MED13L: variants seen among roughly 807,000 people sequenced by gnomAD.
MED13L encodes mediator complex subunit 13L.
A neutral mutation model predicts 220.9 loss-of-function variants in MED13L; 7 were observed. The observed-to-expected ratio is 0.03, with a 90% CI of 0.02 to 0.06. The LOEUF is 0.06. Ranked by LOEUF, MED13L falls within the 10% of genes least tolerant of loss-of-function variation. The pLI is 1.00. For missense variants in MED13L, 1,965 were observed against 2,760.5 expected, an observed-to-expected ratio of 0.71 and a Z score of 6.46; for synonymous variants, 1,011 against 1,015.2, an observed-to-expected ratio of 1.00 and a Z score of 0.08.
At chr12:116,197,923 A>C (rs1881746575) in intron 2 of MED13L, among the ~76,000 whole-genome samples, 1 of 152,240 alleles carries the variant, frequency 6.6e-6, no homozygotes, top group Non-Finnish European at 1.5e-5. Context: ...TTTTGTAGAA[A>C]GCCAAAAGAA....
At position 116,124,528 on chromosome 12, in the gene MED13L, T is replaced by C. The variant is rs186388573; in HGVS notation, c.311-13016A>G. 2.4e-4 allele frequency among the ~76,000 whole-genome samples: 36 copies of C among 152,328 alleles called. No homozygotes were observed. The East Asian group carries it at 5.8e-3, about 24-fold the overall frequency. Reference sequence around the variant, plus strand: ...TTCTCTTCACTTTGTTATCTACTTTTACTAGATAATAATTTGTTTTCCTTA... The same window carrying C: ...TTCTCTTCACTTTGTTATCTACTTTCACTAGATAATAATTTGTTTTCCTTA... On this transcript the variant is annotated intron_variant, in intron 2 of 30. Coordinates refer to ENST00000281928, the MANE Select transcript of MED13L (RefSeq NM_015335.5).
intron 4 of MED13L, among the ~76,000 whole-genome samples, chr12:116,072,278 T>TA (rs1870437713): frequency 6.6e-6 from 1 of 152,210 alleles, no homozygotes; most frequent in South Asian, 2.1e-4. Context: ...AAAGGTCCTT[T>TA]AAAATGATCT....
At chr12:116,041,156 G>A (rs1285808472) in intron 4 of MED13L, among the ~76,000 whole-genome samples, 1 of 152,146 alleles carries the variant, frequency 6.6e-6, no homozygotes, top group Non-Finnish European at 1.5e-5. Flanking sequence ...TGTGTTGAGG[G>A]AGGGGCCAGG....
At chr12:116,083,404 GAAAAAA>G (rs61301423) in intron 4 of MED13L, among the ~76,000 whole-genome samples, 1 of 79,358 alleles carries the variant, frequency 1.3e-5, no homozygotes, top group Non-Finnish European at 2.4e-5. Flanking sequence ...TGTCTCGAGG[GAAAAAA>G]AAAAAAAAAA....
At chr12:116,224,292 A>T (rs1303591568) in intron 2 of MED13L, among the ~76,000 whole-genome samples, 1 of 152,112 alleles carries the variant, frequency 6.6e-6, no homozygotes, top group African/African-American at 2.4e-5. Context: ...AAACTTCCCT[A>T]CTGTAGATCC....
intron 2 of MED13L, among the ~76,000 whole-genome samples, chr12:116,165,260 T>A: frequency 3.1e-5 from 1 of 31,976 alleles, no homozygotes; most frequent in Non-Finnish European, 5.5e-5. Flanking sequence ...GGCACCATCC[T>A]TTTTTTTTTT....
intron 2 of MED13L, among the ~76,000 whole-genome samples, chr12:116,172,500 T>C (rs745589004): frequency 1.6e-4 from 24 of 152,186 alleles, no homozygotes; most frequent in Non-Finnish European, 2.5e-4. Context: ...CCGTAAATGG[T>C]TACAGAAAAT....
intron 2 of MED13L, among the ~76,000 whole-genome samples, chr12:116,219,652 C>A (rs1883195392): frequency 6.6e-6 from 1 of 152,136 alleles, no homozygotes. Context: ...TTAAAATATA[C>A]AGTATTTCCC....
In MED13L at chr12:115,960,532, G is replaced by A. The variant is rs1358249389; in HGVS notation, c.*734C>T. On this transcript the variant is annotated 3_prime_UTR_variant, in exon 31 of 31. Coordinates refer to ENST00000281928, the MANE Select transcript of MED13L (RefSeq NM_015335.5). Reference sequence around the variant, plus strand: ...CCCAATGTGTTTTTACTCCTTTTCCGGCTTCTAGGACAGAGGTATGTAGTC... The same window carrying A: ...CCCAATGTGTTTTTACTCCTTTTCCAGCTTCTAGGACAGAGGTATGTAGTC... 2.0e-5 allele frequency: 3 copies of A among 152,288 alleles called. No homozygotes were observed. Among genetic ancestry groups the A allele is most frequent in the Non-Finnish European group, 4.4e-5 (3 of 68,182 alleles). 9.4% of individuals were successfully genotyped at this position (152,288 alleles called of 1,614,324 possible).
chr12:116,145,488 C>T (rs561774325), intron 2 of MED13L, among the ~76,000 whole-genome samples: 1 of 152,046 alleles, frequency 6.6e-6, no homozygotes, highest in South Asian at 2.1e-4. Flanking sequence ...GCAGTTGCTT[C>T]AAGCGCTTTT....
chr12:116,178,290 A>G (rs1880231363), intron 2 of MED13L, among the ~76,000 whole-genome samples: 1 of 152,188 alleles, frequency 6.6e-6, no homozygotes, highest in African/African-American at 2.4e-5. Flanking sequence ...TGGTAAAAGT[A>G]TTTTTTATAT....
intron 4 of MED13L, 43 bp from the exon 5 acceptor site, chr12:116,022,644 G>A: frequency 6.3e-7 from 1 of 1,588,196 alleles, no homozygotes; most frequent in African/African-American, 1.3e-5. Flanking sequence ...TATTTTGGTA[G>A]GAAAGGGTGC....
At chr12:116,192,984 T>TA (rs1423078462) in intron 2 of MED13L, among the ~76,000 whole-genome samples, 1 of 151,976 alleles carries the variant, frequency 6.6e-6, no homozygotes, top group Non-Finnish European at 1.5e-5. Context: ...TACAAAAACT[T>TA]ACGCATGGTG....
chr12:116,038,551 G>C (rs1181239382), intron 4 of MED13L, among the ~76,000 whole-genome samples: 1 of 152,030 alleles, frequency 6.6e-6, no homozygotes, highest in Non-Finnish European at 1.5e-5. Context: ...GCAAGTGGCA[G>C]TCATGGTGGA....
At chr12:116,178,765 C>G (rs1373433932) in intron 2 of MED13L, among the ~76,000 whole-genome samples, 3 of 152,166 alleles carry the variant, frequency 2.0e-5, no homozygotes, top group Non-Finnish European at 2.9e-5. Flanking sequence ...TTGGGAATTA[C>G]AAAATATTTT....
intron 6 of MED13L, 47 bp from the exon 7 acceptor site, chr12:116,019,459 C>T: frequency 6.3e-7 from 1 of 1,591,704 alleles, no homozygotes; most frequent in Non-Finnish European, 8.6e-7. Flanking sequence ...AGAAAGAATT[C>T]ATACAAGACT....
intron 2 of MED13L, among the ~76,000 whole-genome samples, chr12:116,127,369 C>T (rs143302119): frequency 6.6e-6 from 1 of 152,258 alleles, no homozygotes; most frequent in East Asian, 1.9e-4. Flanking sequence ...ACTGTATATA[C>T]ATCATGATCT....
chr12:116,151,159 G>T (rs987407075), intron 2 of MED13L, among the ~76,000 whole-genome samples: 1 of 151,972 alleles, frequency 6.6e-6, no homozygotes, highest in Non-Finnish European at 1.5e-5. Context: ...ATCTTAACTA[G>T]GCTTTTAGCA....
chr12:116,106,233 T>C (rs539015363), intron 3 of MED13L, among the ~76,000 whole-genome samples: 2 of 152,084 alleles, frequency 1.3e-5, no homozygotes, highest in East Asian at 3.9e-4. Flanking sequence ...CAGGCCAAAA[T>C]GAAGAGAGTG....
Sources: gnomAD v4.1 joint callset for allele counts (sites outside exome capture counted in the v4.1 genomes callset) on GRCh38, gnomAD v4.1.1 for gene constraint, MANE v1.5 for transcripts, NCBI Gene and HGNC (gene_info 2026-07-23, HGNC 2026-07-21) for gene names.